FGF14: variants seen among roughly 807,000 people sequenced by gnomAD.
The protein encoded by FGF14 is fibroblast growth factor homologous factor 4.
Under a neutral mutation model 25.5 loss-of-function variants are expected in FGF14, and 5 were observed. The ratio of observed to expected loss-of-function variants is 0.20; its 90% confidence interval spans 0.10 to 0.41. The LOEUF is 0.41. FGF14 is among the 10% of genes least tolerant of loss of function. The probability of loss-of-function intolerance (pLI) is 1.00; values close to 1 mark genes in which losing one functional copy is unlikely to be tolerated. For missense variants in FGF14, 222 were observed against 320.1 expected, an observed-to-expected ratio of 0.69 and a Z score of 2.34; for synonymous variants, 138 against 118.3, an observed-to-expected ratio of 1.17 and a Z score of -1.08.
intron 1 of FGF14, among the ~76,000 whole-genome samples, chr13:101,937,720 C>T (rs777646328): frequency 6.6e-6 from 1 of 152,192 alleles, no homozygotes; most frequent in Non-Finnish European, 1.5e-5. Flanking sequence ...CTGTCTCAGC[C>T]TCCCAAGGAG....
chr13:102,044,987 A>G (rs2041917018), intron 1 of FGF14, among the ~76,000 whole-genome samples: 1 of 152,208 alleles, frequency 6.6e-6, no homozygotes, highest in African/African-American at 2.4e-5. Context: ...CAAGGACAGA[A>G]CAGCAATAGT....
intron 1 of FGF14, among the ~76,000 whole-genome samples, chr13:102,077,379 T>C (rs2043412115): frequency 6.6e-6 from 1 of 152,172 alleles, no homozygotes; most frequent in African/African-American, 2.4e-5. Context: ...TGGGAGAAGA[T>C]ATATGTAAAT....
At chr13:102,233,084 A>T (rs1221885356) in intron 1 of FGF14, among the ~76,000 whole-genome samples, 2 of 151,644 alleles carry the variant, frequency 1.3e-5, no homozygotes, top group Non-Finnish European at 2.9e-5. Flanking sequence ...TTCCCTTATG[A>T]CTCATTTTTC....
chr13:102,005,454 G>A (rs556764674), intron 1 of FGF14, among the ~76,000 whole-genome samples: 4 of 152,270 alleles, frequency 2.6e-5, no homozygotes, highest in East Asian at 1.9e-4. Context: ...TCTTTCCACA[G>A]AGCAGGAACA....
chr13:102,016,429 T>A (rs1302882952), intron 1 of FGF14, among the ~76,000 whole-genome samples: 1 of 152,146 alleles, frequency 6.6e-6, no homozygotes, highest in African/African-American at 2.4e-5. Flanking sequence ...CAACTGAGAT[T>A]AGTTAATTGC....
intron 3 of FGF14, among the ~76,000 whole-genome samples, chr13:101,729,209 A>G (rs1388160606): frequency 1.3e-5 from 2 of 152,108 alleles, no homozygotes; most frequent in African/African-American, 4.8e-5. Context: ...GGAGACTGGT[A>G]TATTTTCAGC....
intron 3 of FGF14, among the ~76,000 whole-genome samples, chr13:101,788,963 G>GAT (rs1566904019): frequency 2.2e-5 from 1 of 46,280 alleles, no homozygotes; most frequent in Non-Finnish European, 5.4e-5. Context: ...GAGAGAGAGA[G>GAT]AGAGAGACAG....
intron 1 of FGF14, among the ~76,000 whole-genome samples, chr13:102,329,837 G>A (rs1461020430): frequency 2.6e-5 from 4 of 151,652 alleles, no homozygotes; most frequent in African/African-American, 7.3e-5. Flanking sequence ...TGGCCCTTAC[G>A]CACCCCCACC....
intron 3 of FGF14, among the ~76,000 whole-genome samples, chr13:101,826,563 A>C (rs758020506): frequency 2.0e-5 from 3 of 152,194 alleles, no homozygotes; most frequent in Non-Finnish European, 2.9e-5. Flanking sequence ...TGTGGAATGG[A>C]AAGTACACAG....
At chr13:102,326,667 G>T (rs199784602) in intron 1 of FGF14, among the ~76,000 whole-genome samples, 1 of 74,780 alleles carries the variant, frequency 1.3e-5, no homozygotes, top group Non-Finnish European at 2.5e-5. Flanking sequence ...GGGGAAGGGA[G>T]GGGAAGGGAA....
At chr13:102,158,019 A>C (rs1424837710) in intron 1 of FGF14, among the ~76,000 whole-genome samples, 2 of 152,054 alleles carry the variant, frequency 1.3e-5, no homozygotes, top group Admixed American at 6.6e-5. Context: ...AGTCAGGAAA[A>C]AGCAGGTGCT....
At chr13:102,383,537 T>A (rs1239993611) in intron 1 of FGF14, among the ~76,000 whole-genome samples, 1 of 152,212 alleles carries the variant, frequency 6.6e-6, no homozygotes, top group Non-Finnish European at 1.5e-5. Flanking sequence ...CATGTACTCT[T>A]CATTCTGTTT....
chr13:102,193,623 C>T (rs2140838148), intron 1 of FGF14, among the ~76,000 whole-genome samples: 1 of 152,252 alleles, frequency 6.6e-6, no homozygotes, highest in Admixed American at 6.5e-5. Flanking sequence ...GGGAGAGTTG[C>T]TCGTTCAAGA....
At position 101,850,504 on chromosome 13, in the gene FGF14, A is replaced by ATATGC. The variant is rs1555295867; in HGVS notation, c.408+18220_408+18221insGCATA. On this transcript the variant is annotated intron_variant, in intron 3 of 4. Transcript: ENST00000376143. ...TATATATATATATATATATATATAT[A>ATATGC]TATATATATAGAATTATATATTCTA... 9.3e-4 allele frequency among the ~76,000 whole-genome samples: 2 copies of ATATGC among 2,146 alleles called. 1 individual carries two copies. The highest frequency in any genetic ancestry group is 2.2e-3 in the African/African-American group (2 of 916). 1.4% of individuals were successfully genotyped at this position (2,146 alleles called of 152,430 possible).
chr13:102,086,111 AT>A (rs2043884506), intron 1 of FGF14, among the ~76,000 whole-genome samples: 1 of 152,260 alleles, frequency 6.6e-6, no homozygotes, highest in Non-Finnish European at 1.5e-5. Context: ...GTTATGCTAA[AT>A]GACAAGTCTT....
chr13:102,312,467 A>T (rs141811883), intron 1 of FGF14, among the ~76,000 whole-genome samples: 2 of 152,320 alleles, frequency 1.3e-5, no homozygotes, highest in Non-Finnish European at 1.5e-5. Flanking sequence ...AACTAATGCC[A>T]ATTAAAAGAA....
chr13:102,197,221 C>T (rs113300586), intron 1 of FGF14, among the ~76,000 whole-genome samples: 1 of 152,164 alleles, frequency 6.6e-6, no homozygotes, highest in Non-Finnish European at 1.5e-5. Context: ...TCACATTCTC[C>T]TTTTGGCCCT....
chr13:102,049,675 C>T (rs1399058108), intron 1 of FGF14, among the ~76,000 whole-genome samples: 1 of 152,074 alleles, frequency 6.6e-6, no homozygotes, highest in Admixed American at 6.6e-5. Flanking sequence ...TGAGCTCATA[C>T]TGGATGAGAA....
chr13:102,380,571 C>G (rs974622880), intron 1 of FGF14, among the ~76,000 whole-genome samples: 8 of 152,104 alleles, frequency 5.3e-5, no homozygotes, highest in Non-Finnish European at 1.2e-4. Context: ...GGGTATTTTC[C>G]TAACAAAGCA....
Sources: allele counts gnomAD v4.1 joint callset (sites outside exome capture counted in the v4.1 genomes callset), GRCh38; gene constraint gnomAD v4.1.1; transcripts MANE v1.5; gene names NCBI Gene and HGNC (gene_info 2026-07-23, HGNC 2026-07-21).